Variants in AGAP1 observed in about 807,000 individuals in gnomAD.
AGAP1 encodes arf-GAP with GTPase, ANK repeat and PH domain-containing protein 1.
Under a neutral mutation model 105.3 loss-of-function variants are expected in AGAP1, and 29 were observed. The ratio of observed to expected loss-of-function variants is 0.28; its 90% CI spans 0.21 to 0.38. The LOEUF is 0.38. AGAP1 is among the 10% of genes least tolerant of loss of function. The pLI, the probability that AGAP1 is intolerant of heterozygous loss-of-function variation, is 1.00. For synonymous variants in AGAP1, 509 were observed against 485.9 expected, an observed-to-expected ratio of 1.05 and a Z score of -0.63; for missense variants, 998 against 1,165.1, an observed-to-expected ratio of 0.86 and a Z score of 2.09.
chr2:236,007,062 A>G (rs2056346471), intron 13 of AGAP1, among the ~76,000 whole-genome samples: 1 of 131,172 alleles, frequency 7.6e-6, no homozygotes, highest in Admixed American at 8.4e-5. Context: ...GTTTTATGGG[A>G]GGAAATCTGT....
intron 12 of AGAP1, among the ~76,000 whole-genome samples, chr2:235,933,629 C>A (rs1214228747): frequency 6.6e-6 from 1 of 151,370 alleles, no homozygotes; most frequent in Non-Finnish European, 1.5e-5. Context: ...GCCTCCCGGA[C>A]TCAAGCAGTT....
intron 16 of AGAP1, among the ~76,000 whole-genome samples, chr2:236,064,422 C>G (rs555142054): frequency 6.6e-6 from 1 of 152,026 alleles, no homozygotes; most frequent in Admixed American, 6.6e-5. Flanking sequence ...GAAATCCTGT[C>G]TGTACTAAAA....
chr2:236,062,825 C>G lies in AGAP1; in HGVS notation c.2114+13544C>G, dbSNP rs545762915. On this transcript the variant is annotated intron_variant, in intron 16 of 17. Coordinates refer to ENST00000304032, the MANE Select transcript of AGAP1 (RefSeq NM_001037131.3). This position sits in a 1 kb window ranked among gnomAD's most constrained non-coding sequence, Gnocchi z 4.2. The stretch of plus-strand genomic sequence containing the variant: ...TACAGGCTCCCGCCACCTTACCCAG[C>G]TAATGTTTGTATTTTTAGTAGAGAT... Among the ~76,000 whole-genome samples the G allele has an allele frequency of 1.4e-4, 22 of 152,192 alleles. No individual in the cohort carries two copies. The highest frequency in any genetic ancestry group is 3.4e-3 in the Middle Eastern group (1 of 294).
chr2:236,100,533 G>A lies in AGAP1; in HGVS notation c.2115-19659G>A, dbSNP rs373158279. 5.3e-5 allele frequency among the ~76,000 whole-genome samples: 8 copies of A among 152,186 alleles called. No individual in the cohort carries two copies. In the East Asian group the frequency reaches 9.7e-4, roughly 18 times the overall value. On this transcript the variant is annotated intron_variant, in intron 16 of 17. Coordinates refer to ENST00000304032, the MANE Select transcript of AGAP1 (RefSeq NM_001037131.3). The stretch of plus-strand genomic sequence containing the variant: ...ATATTTTTATTGTTTTTCAGGTTAA[G>A]ATTAGTTGAGGCCGGATGCAGTGGC...
chr2:235,572,976 T>TTTCTTCTTCTTCTTCTTCTTCTTCTTC, intron 1 of AGAP1, among the ~76,000 whole-genome samples: 1 of 104,074 alleles, frequency 9.6e-6, no homozygotes, highest in Non-Finnish European at 1.9e-5. Flanking sequence ...CTCCATCTTT[T>TTTCTTCTTCTTCTTCTTCTTCTTCTTC]TTCTTCTTCT....
rs998067098 is a variant in AGAP1 at position 235,981,195 on chromosome 2, C to G, written c.1645+12572C>G. Among the ~76,000 whole-genome samples, 12 of 152,116 alleles carry G rather than the reference C, an allele frequency of 7.9e-5. No homozygotes were observed. The highest frequency in any genetic ancestry group is 2.1e-4 in the South Asian group (1 of 4,822). On this transcript the variant is annotated intron_variant, in intron 13 of 17. Transcript: ENST00000304032. This position sits in a 1 kb window ranked among gnomAD's most constrained non-coding sequence, Gnocchi z 5.5. Reference sequence around the variant, plus strand: ...TGCCTCGGGGCCTGTGGTCACTAAGCTTATATGAGGGACGAGAGCCGTAGC... The same window carrying G: ...TGCCTCGGGGCCTGTGGTCACTAAGGTTATATGAGGGACGAGAGCCGTAGC...
intron 1 of AGAP1, among the ~76,000 whole-genome samples, chr2:235,671,811 T>C (rs929337406): frequency 4.6e-5 from 7 of 152,222 alleles, no homozygotes; most frequent in African/African-American, 1.7e-4. Flanking sequence ...GGACTTTGCA[T>C]GGAGGGATCT....
chr2:235,632,563 G>C (rs951483029), intron 1 of AGAP1, among the ~76,000 whole-genome samples: 2 of 152,248 alleles, frequency 1.3e-5, no homozygotes, highest in Non-Finnish European at 2.9e-5. Flanking sequence ...GGCCAAGTTT[G>C]ATAGGGTTTA....
intron 6 of AGAP1, among the ~76,000 whole-genome samples, chr2:235,760,684 C>T (rs1270398476): frequency 6.6e-6 from 1 of 152,200 alleles, no homozygotes; most frequent in Non-Finnish European, 1.5e-5. Flanking sequence ...CTCTTGGGCT[C>T]AAGCCATCCT....
chr2:235,743,014 A>G (rs1427672677), intron 4 of AGAP1, among the ~76,000 whole-genome samples: 1 of 152,180 alleles, frequency 6.6e-6, no homozygotes, highest in African/African-American at 2.4e-5. Context: ...TAAAAATACA[A>G]AAATTAGCCA....
intron 13 of AGAP1, among the ~76,000 whole-genome samples, chr2:235,991,021 C>T (rs563127419): frequency 5.9e-5 from 9 of 152,114 alleles, no homozygotes; most frequent in Non-Finnish European, 7.3e-5. Context: ...CCTCTGTGGT[C>T]GGCATCTTCC....
chr2:235,813,088 C>T (rs1011766731), intron 9 of AGAP1, among the ~76,000 whole-genome samples: 1 of 152,196 alleles, frequency 6.6e-6, no homozygotes, highest in Non-Finnish European at 1.5e-5. Flanking sequence ...CTCATACTGT[C>T]ATTGCCAGAA....
chr2:235,699,080 C>T (rs919851925), intron 1 of AGAP1, among the ~76,000 whole-genome samples: 1 of 138,116 alleles, frequency 7.2e-6, no homozygotes. Context: ...CCCCCCCCCC[C>T]ACCCCACCTA....
intron 11 of AGAP1, among the ~76,000 whole-genome samples, chr2:235,914,982 G>T (rs2051802119): frequency 6.6e-6 from 1 of 152,198 alleles, no homozygotes; most frequent in Non-Finnish European, 1.5e-5. Context: ...AACATCCTCA[G>T]TCTCAGAAGA....
At position 235,740,225 on chromosome 2, in the gene AGAP1, A is replaced by T. The variant is rs1454320416; in HGVS notation, c.311-738A>T. ...CAACCTTGTACCATCCCCTCCTGAG[A>T]GCATCAGGGGCCGGGACGTCCAAGG... is the stretch of plus-strand genomic sequence containing the variant. On this transcript the variant is annotated intron_variant, in intron 3 of 17. Transcript: ENST00000304032. This position sits in a 1 kb window ranked among gnomAD's most constrained non-coding sequence, Gnocchi z 5.7. 6.6e-6 allele frequency among the ~76,000 whole-genome samples: 1 copy of T among 151,920 alleles called. No homozygotes were observed.
chr2:235,976,676 CA>C lies in AGAP1; in HGVS notation c.1645+8054del, dbSNP rs1359422090. Among the ~76,000 whole-genome samples, 1 of 152,126 alleles carries C rather than the reference CA, an allele frequency of 6.6e-6. No individual in the cohort carries two copies. Among genetic ancestry groups the C allele is most frequent in the African/African-American group, 2.4e-5 (1 of 41,434 alleles). On this transcript the variant is annotated intron_variant, in intron 13 of 17. Coordinates refer to ENST00000304032, the MANE Select transcript of AGAP1 (RefSeq NM_001037131.3). This position sits in a 1 kb window ranked among gnomAD's most constrained non-coding sequence, Gnocchi z 4.5. ...ACATCAACTGAAGCGGCCCAGCCAT[CA>C]GGACACACATAGACCAGTGGAGAAA...
intron 6 of AGAP1, among the ~76,000 whole-genome samples, chr2:235,774,910 A>G (rs1955746398): frequency 6.6e-6 from 1 of 152,144 alleles, no homozygotes; most frequent in African/African-American, 2.4e-5. Flanking sequence ...CAGGCTACAA[A>G]AACGAAGCCA....
rs138346686 is a variant in AGAP1 at position 236,119,564 on chromosome 2, G to A, written c.2115-628G>A. Among the ~76,000 whole-genome samples the A allele has an allele frequency of 5.3e-5, 8 of 152,064 alleles. 1 individual carries two copies. Among genetic ancestry groups the A allele is most frequent in the Admixed American group, 1.3e-4 (2 of 15,272 alleles). On this transcript the variant is annotated intron_variant, in intron 16 of 17. Coordinates refer to ENST00000304032, the MANE Select transcript of AGAP1 (RefSeq NM_001037131.3). The surrounding 1 kb of genome is among the most constrained non-coding windows in gnomAD (Gnocchi z 6.6). ...CACCCCCAGGTGTGGGGAGCGCACC[G>A]GCTGTCCCTTCCCCCCACCCCCGGC...
chr2:236,116,953 G>A (rs896665916), intron 16 of AGAP1, among the ~76,000 whole-genome samples: 4 of 152,176 alleles, frequency 2.6e-5, no homozygotes, highest in African/African-American at 4.8e-5. Context: ...TGGCTGTGTT[G>A]TATTCCGTCG....
Sources: allele counts gnomAD v4.1 joint callset (sites outside exome capture counted in the v4.1 genomes callset), GRCh38; gene constraint gnomAD v4.1.1; non-coding constraint Gnocchi (gnomAD v3.1); transcripts MANE v1.5; gene names NCBI Gene and HGNC (gene_info 2026-07-23, HGNC 2026-07-21).